Variants in SV2C observed in about 807,000 individuals in gnomAD.
SV2C encodes the protein synaptic vesicle glycoprotein 2C, also known as solute carrier family 22 member B3.
In SV2C, 49 loss-of-function variants were observed where a neutral mutation model predicts 79.7. The ratio of observed to expected loss-of-function variants is 0.61; its 90% CI spans 0.49 to 0.78. The LOEUF (loss-of-function observed/expected upper bound fraction) is 0.78, where lower values mean the gene tolerates loss of function less well. Among genes scored for constraint, SV2C ranks in the 30% least tolerant of loss-of-function variants. SV2C has a pLI of 0.00. For synonymous variants in SV2C, 334 were observed against 333.2 expected (o/e 1.00, Z -0.03); for missense variants, 833 against 912.9 (o/e 0.91, Z 1.13).
chr5:76,166,851 G>C (rs938264264), intron 2 of SV2C, among the ~76,000 whole-genome samples: 3 of 152,194 alleles, frequency 2.0e-5, no homozygotes, highest in South Asian at 2.1e-4. Flanking sequence ...ATAGAATCCT[G>C]TGTTCAGGAT....
At chr5:76,127,485 G>A (rs1413157778) in intron 1 of SV2C, among the ~76,000 whole-genome samples, 4 of 152,150 alleles carry the variant, frequency 2.6e-5, no homozygotes, top group South Asian at 2.1e-4. Flanking sequence ...TTTAACAGCC[G>A]CTTCTATAAA....
chr5:76,304,792 G>C (rs1005294995), intron 12 of SV2C, among the ~76,000 whole-genome samples: 5 of 152,136 alleles, frequency 3.3e-5, no homozygotes, highest in African/African-American at 9.7e-5. Flanking sequence ...CATTCACCAG[G>C]GAGAAGCCCT....
intron 4 of SV2C, among the ~76,000 whole-genome samples, chr5:76,224,714 ATAT>A: frequency 6.6e-6 from 1 of 152,162 alleles, no homozygotes. Context: ...TTTTTCTTCC[ATAT>A]CTAGAGTGGG....
rs561451250 is a variant in SV2C at position 76,285,853 on chromosome 5, C to T, written c.1120C>T (p.Pro374Ser). 2 of 1,613,980 alleles carry T rather than the reference C, an allele frequency of 1.2e-6. No homozygotes were observed. Among genetic ancestry groups the T allele is most frequent in the Non-Finnish European group, 1.7e-6 (2 of 1,179,944 alleles). Residue 374 changes from proline to serine, a missense_variant, in exon 6 of 13, where the codon CCT (proline) becomes TCT (serine). By Grantham distance (74) the Pro-to-Ser change is moderately conservative (BLOSUM62 -1). Transcript: ENST00000502798. Reference protein sequence around the residue: ...HDTNMRARGQPEKVFTVNKIK... With the variant: ...HDTNMRARGQSEKVFTVNKIK... ...CACCAACATGAGAGCCCGGGGTCAG[C>T]CTGAGAAGGTCTTCACGGTGAGTCT...
At chr5:76,297,516 C>G (rs1747815988) in intron 9 of SV2C, among the ~76,000 whole-genome samples, 1 of 152,176 alleles carries the variant, frequency 6.6e-6, no homozygotes, top group Admixed American at 6.5e-5. Flanking sequence ...AAAACTGATT[C>G]ATTCCCTTTT....
the SV2C span, among the ~76,000 whole-genome samples, chr5:76,036,917 C>T: frequency 1.3e-5 from 2 of 152,324 alleles, no homozygotes; most frequent in Admixed American, 6.5e-5. Context: ...CACACAGTCC[C>T]ATATTTCTTG....
intron 2 of SV2C, among the ~76,000 whole-genome samples, chr5:76,142,940 C>G (rs1398206556): frequency 7.8e-6 from 1 of 128,340 alleles, no homozygotes; most frequent in East Asian, 2.0e-4. Flanking sequence ...TGTTGCCAGG[C>G]TAGAGTGCAG....
At position 76,194,619 on chromosome 5, in the gene SV2C, C is replaced by A. The variant is rs144742822; in HGVS notation, c.581-300C>A. 6.6e-5 allele frequency among the ~76,000 whole-genome samples: 10 copies of A among 152,282 alleles called. No individual in the cohort carries two copies. The East Asian group carries it at 1.7e-3, about 26-fold the overall frequency. On this transcript the variant is annotated intron_variant, in intron 2 of 12. Transcript: ENST00000502798. ...AGTAACCCAGCCTAAATAAAGACAG[C>A]TTTTATTTTACAATTGCTCACAACA...
the SV2C span, among the ~76,000 whole-genome samples, chr5:75,968,720 A>G: frequency 6.6e-6 from 1 of 152,168 alleles, no homozygotes; most frequent in South Asian, 2.1e-4. Flanking sequence ...TGAAAGTGAT[A>G]GGAGAATGGA....
chr5:76,206,489 C>G (rs1160085391), intron 3 of SV2C, among the ~76,000 whole-genome samples: 1 of 152,196 alleles, frequency 6.6e-6, no homozygotes, highest in Non-Finnish European at 1.5e-5. Context: ...CCATTGCTGT[C>G]AAAACTTTCA....
intron 2 of SV2C, among the ~76,000 whole-genome samples, chr5:76,168,315 G>A (rs1041839774): frequency 9.2e-5 from 14 of 152,062 alleles, no homozygotes; most frequent in African/African-American, 3.4e-4. Flanking sequence ...TCTAATGCTC[G>A]CTACTTTAGC....
At chr5:76,157,545 G>A (rs1467853803) in intron 2 of SV2C, among the ~76,000 whole-genome samples, 2 of 151,744 alleles carry the variant, frequency 1.3e-5, no homozygotes, top group African/African-American at 2.4e-5. Flanking sequence ...GATTTAAAAA[G>A]CAATTGCATT....
At chr5:75,915,091 T>A in the SV2C span, among the ~76,000 whole-genome samples, 61 of 152,212 alleles carry the variant, frequency 4.0e-4, no homozygotes, top group African/African-American at 1.3e-3. Context: ...TTCAATTACC[T>A]CCCACCAAGT....
At chr5:76,031,727 A>G in the SV2C span, among the ~76,000 whole-genome samples, 1 of 152,236 alleles carries the variant, frequency 6.6e-6, no homozygotes, top group Non-Finnish European at 1.5e-5. Flanking sequence ...ATTAAAGGAC[A>G]GAGTGATACT....
At chr5:76,273,602 G>A (rs1746938495) in intron 4 of SV2C, among the ~76,000 whole-genome samples, 1 of 152,210 alleles carries the variant, frequency 6.6e-6, no homozygotes, top group Admixed American at 6.5e-5. Context: ...GAGGCATAAT[G>A]TGACTTCCTT....
At chr5:76,075,332 G>C in the SV2C span, among the ~76,000 whole-genome samples, 1 of 152,344 alleles carries the variant, frequency 6.6e-6, no homozygotes, top group African/African-American at 2.4e-5. Flanking sequence ...TCATTGAGCA[G>C]AATTGTGTTA....
At chr5:75,950,831 C>G in the SV2C span, among the ~76,000 whole-genome samples, 1 of 151,908 alleles carries the variant, frequency 6.6e-6, no homozygotes, top group Non-Finnish European at 1.5e-5. Flanking sequence ...ATAGTAATAT[C>G]CCTGGAACAA....
At chr5:75,945,152 T>G in the SV2C span, among the ~76,000 whole-genome samples, 1 of 152,076 alleles carries the variant, frequency 6.6e-6, no homozygotes, top group Non-Finnish European at 1.5e-5. Context: ...GGTAAGAAGA[T>G]ACAAGTTCCC....
intron 6 of SV2C, among the ~76,000 whole-genome samples, chr5:76,288,874 CT>C (rs929738985): frequency 5.0e-4 from 73 of 144,944 alleles, no homozygotes; most frequent in African/African-American, 7.3e-4. Flanking sequence ...GTCTCCTTTT[CT>C]TTTTTTTTTT....
Sources: gnomAD v4.1 joint callset for allele counts (sites outside exome capture counted in the v4.1 genomes callset) on GRCh38, gnomAD v4.1.1 for gene constraint, MANE v1.5 for transcripts, NCBI Gene and HGNC (gene_info 2026-07-23, HGNC 2026-07-21) for gene names.